The following XKR4 variants were observed in gnomAD, a reference collection of about 807,000 sequenced individuals.
XKR4 encodes XK-related protein 4.
Under a neutral mutation model 53.9 loss-of-function variants are expected in XKR4, and 12 were observed. The ratio of observed to expected loss-of-function variants is 0.22; its 90% confidence interval spans 0.14 to 0.36. The LOEUF is 0.36. Among genes scored for constraint, XKR4 ranks in the 10% least tolerant of loss-of-function variants. The probability of loss-of-function intolerance (pLI) is 1.00; values close to 1 mark genes in which losing one functional copy is unlikely to be tolerated. For synonymous variants in XKR4, 354 were observed against 362.4 expected, an observed-to-expected ratio of 0.98 and a Z score of 0.26; for missense variants, 799 against 859.5, an observed-to-expected ratio of 0.93 and a Z score of 0.88.
Position 55,102,386 on chromosome 8 carries a change from C to G in XKR4, c.-103C>G. ...GGAGCAGGAGGAGGGGGAGCCGCACCGCCTGGGAGGGAAGCCGGGGCGAGG... is the reference window on the plus strand; with the variant it reads ...GGAGCAGGAGGAGGGGGAGCCGCACGGCCTGGGAGGGAAGCCGGGGCGAGG... On this transcript the variant is annotated 5_prime_UTR_variant, in exon 1 of 3. Transcript: ENST00000327381. This position sits in a 1 kb window ranked among gnomAD's most constrained non-coding sequence, Gnocchi z 5.1. 1 of 1,336,860 alleles carries G rather than the reference C, an allele frequency of 7.5e-7. No individual in the cohort carries two copies. The highest frequency in any genetic ancestry group is 9.7e-7 in the Non-Finnish European group (1 of 1,028,008). 82.8% of individuals were successfully genotyped at this position (1,336,860 alleles called of 1,614,324 possible). A position where few individuals can be genotyped will look rare whatever the true frequency, so the allele number is the denominator to read the frequency against.
At chr8:55,178,541 T>G (rs889035278) in intron 1 of XKR4, among the ~76,000 whole-genome samples, 3 of 152,206 alleles carry the variant, frequency 2.0e-5, no homozygotes, top group Non-Finnish European at 4.4e-5. Context: ...GCAGAGGGCT[T>G]CTTCTATCAT....
At position 55,534,363 on chromosome 8, in the gene XKR4, C is replaced by CTTTTTTTTTTTTTTTTTTTTT. The variant is rs1160872780; in HGVS notation, c.*10144_*10164dup. Reference sequence around the variant, plus strand: ...GCTCAAAGATCACGAATCTGATATTCTTTTTTTTTTTTTTTTTTTTTTTTT... The same window carrying CTTTTTTTTTTTTTTTTTTTTT: ...GCTCAAAGATCACGAATCTGATATTCTTTTTTTTTTTTTTTTTTTTTTTTTTTTTTTTTTTTTTTTTTTTTT... On this transcript the variant is annotated 3_prime_UTR_variant, in exon 3 of 3. Coordinates refer to ENST00000327381, the MANE Select transcript of XKR4 (RefSeq NM_052898.2). 5 of 47,134 alleles carry CTTTTTTTTTTTTTTTTTTTTT rather than the reference C, an allele frequency of 1.1e-4. 1 individual carries two copies. Among genetic ancestry groups the CTTTTTTTTTTTTTTTTTTTTT allele is most frequent in the Admixed American group, 7.4e-4 (2 of 2,696 alleles). The allele number at this position is 47,134 out of a possible 1,614,324, so 2.9% of individuals were successfully genotyped here.
At chr8:55,374,535 A>T (rs1804119397) in intron 2 of XKR4, among the ~76,000 whole-genome samples, 3 of 152,236 alleles carry the variant, frequency 2.0e-5, no homozygotes, top group Non-Finnish European at 4.4e-5. Flanking sequence ...GAACTGGTAA[A>T]GTGAACCACC....
intron 1 of XKR4, among the ~76,000 whole-genome samples, chr8:55,306,687 C>T (rs577363164): frequency 6.6e-6 from 1 of 152,202 alleles, no homozygotes; most frequent in African/African-American, 2.4e-5. Flanking sequence ...CACCAGGTCC[C>T]TCACACAGCA....
intron 2 of XKR4, among the ~76,000 whole-genome samples, chr8:55,520,243 A>G (rs1806779644): frequency 6.6e-6 from 1 of 152,250 alleles, no homozygotes. Context: ...TGTTCAGCAT[A>G]TATTTGTCTT....
At chr8:55,106,622 A>T (rs547559647) in intron 1 of XKR4, among the ~76,000 whole-genome samples, 1 of 152,270 alleles carries the variant, frequency 6.6e-6, no homozygotes, top group East Asian at 1.9e-4. Context: ...CTTTTGATCA[A>T]TTGCCTCCAA....
chr8:55,460,011 G>GA (rs34496086), intron 2 of XKR4, among the ~76,000 whole-genome samples: 36,426 of 133,524 alleles, frequency 0.27, 4,362 homozygotes, highest in Non-Finnish European at 0.32. Flanking sequence ...GCCAAATGCT[G>GA]AAAAAAAAAA....
intron 2 of XKR4, among the ~76,000 whole-genome samples, chr8:55,374,601 G>T (rs1288617419): frequency 6.6e-6 from 1 of 152,160 alleles, no homozygotes; most frequent in Non-Finnish European, 1.5e-5. Flanking sequence ...AGAGGTGGGT[G>T]TATTGGAATC....
intron 1 of XKR4, among the ~76,000 whole-genome samples, chr8:55,259,474 C>A (rs1585972472): frequency 6.6e-6 from 1 of 152,258 alleles, no homozygotes; most frequent in Middle Eastern, 3.4e-3. Flanking sequence ...CCCAAGGTTA[C>A]AGCGATTGAA....
At chr8:55,367,956 T>C (rs894458800) in intron 2 of XKR4, among the ~76,000 whole-genome samples, 1 of 151,886 alleles carries the variant, frequency 6.6e-6, no homozygotes, top group Non-Finnish European at 1.5e-5. Flanking sequence ...TGTTTTGTTT[T>C]TGTTTTTGTT....
rs749898010 is a variant in XKR4 at position 55,524,008 on chromosome 8, T to A, written c.1734T>A (p.Thr578=). 1 of 1,614,156 alleles carries A rather than the reference T, an allele frequency of 6.2e-7. No homozygotes were observed. Among genetic ancestry groups the A allele is most frequent in the African/African-American group, 1.3e-5 (1 of 75,028 alleles). Residue 578 remains threonine (T), a synonymous_variant, in exon 3 of 3, where the codon ACT becomes ACA. Coordinates refer to ENST00000327381, the MANE Select transcript of XKR4 (RefSeq NM_052898.2). ...GCVPVFQVRP[T]APSTPSSRPP... ...TACCTGTCTTTCAAGTGAGGCCCAC[T>A]GCCCCATCCACCCCATCATCTCGCC...
intron 1 of XKR4, among the ~76,000 whole-genome samples, chr8:55,118,819 T>C (rs1396437477): frequency 6.6e-6 from 1 of 152,198 alleles, no homozygotes; most frequent in East Asian, 1.9e-4. Context: ...TATTGCAAAG[T>C]ATGTTTTTTT....
At position 55,537,697 on chromosome 8, in the gene XKR4, G is replaced by A. The variant is rs1415441912; in HGVS notation, c.*13470G>A. On this transcript the variant is annotated 3_prime_UTR_variant, in exon 3 of 3. Coordinates refer to ENST00000327381, the MANE Select transcript of XKR4 (RefSeq NM_052898.2). ...GGAAGGCAATAAAGTTACTTGTTGG[G>A]TCCTTCCTTCCCTTACAAACAGAAT... is the stretch of plus-strand genomic sequence containing the variant. The A allele has an allele frequency of 6.6e-6, 1 of 152,116 alleles. No individual in the cohort carries two copies. The highest frequency in any genetic ancestry group is 1.5e-5 in the Non-Finnish European group (1 of 68,030). The allele number at this position is 152,116 out of a possible 1,614,324, so 9.4% of individuals were successfully genotyped here.
intron 1 of XKR4, among the ~76,000 whole-genome samples, chr8:55,299,136 C>T (rs879507796): frequency 6.6e-6 from 1 of 152,110 alleles, no homozygotes; most frequent in Non-Finnish European, 1.5e-5. Flanking sequence ...GTTTATTTCT[C>T]TTTCATTACA....
At chr8:55,155,553 GAA>G (rs547963847) in intron 1 of XKR4, among the ~76,000 whole-genome samples, 4 of 129,364 alleles carry the variant, frequency 3.1e-5, no homozygotes, top group Non-Finnish European at 3.3e-5. Context: ...GTAGAAGTGT[GAA>G]AAAAAAAAAA....
intron 2 of XKR4, chr8:55,451,779 GC>G: frequency 9.6e-7 from 1 of 1,044,064 alleles, no homozygotes. Flanking sequence ...GGGGGCCCAG[GC>G]CAAGGCACTG....
chr8:55,300,883 A>G (rs1258168022), intron 1 of XKR4, among the ~76,000 whole-genome samples: 2 of 152,186 alleles, frequency 1.3e-5, no homozygotes, highest in African/African-American at 2.4e-5. Flanking sequence ...GCTCTACACT[A>G]TAAGGCTAAG....
chr8:55,510,847 C>A (rs1443115202), intron 2 of XKR4, among the ~76,000 whole-genome samples: 1 of 152,194 alleles, frequency 6.6e-6, no homozygotes, highest in East Asian at 1.9e-4. Flanking sequence ...GTTGCAGGAG[C>A]AATGGCCCAG....
chr8:55,490,745 T>A (rs934635398), intron 2 of XKR4, among the ~76,000 whole-genome samples: 1 of 152,252 alleles, frequency 6.6e-6, no homozygotes, highest in African/African-American at 2.4e-5. Context: ...TTTTAAGATT[T>A]TTTTCTCTAT....
Sources: allele counts gnomAD v4.1 joint callset (sites outside exome capture counted in the v4.1 genomes callset), GRCh38; gene constraint gnomAD v4.1.1; non-coding constraint Gnocchi (gnomAD v3.1); transcripts MANE v1.5; gene names NCBI Gene and HGNC (gene_info 2026-07-23, HGNC 2026-07-21).